CCDC170: variants seen among roughly 807,000 people sequenced by gnomAD.
CCDC170 encodes coiled-coil domain containing 170.
In CCDC170, 69 loss-of-function variants were observed where a neutral mutation model predicts 72.6. That is an observed-to-expected ratio of 0.95 (90% CI 0.78 to 1.16). The LOEUF is 1.16. CCDC170 is among the 50% of genes most tolerant of loss of function. CCDC170 has a pLI of 0.00. For synonymous variants in CCDC170, 300 were observed against 303.9 expected (o/e 0.99, Z 0.13); for missense variants, 852 against 832.5 (o/e 1.02, Z -0.29).
Position 151,526,463 on chromosome 6 carries a change from G to A in CCDC170, c.58-9855G>A, listed in dbSNP as rs373388290. On this transcript the variant is annotated intron_variant, in intron 1 of 10. Transcript: ENST00000239374. ...TCTCAATCTCTTGACCTAGTGATCC[G>A]CTTGCCTTGGCCTCCCATAGTACTG... Among the ~76,000 whole-genome samples, 14 of 150,008 alleles carry A rather than the reference G, an allele frequency of 9.3e-5. No homozygotes were observed. The East Asian group carries it at 1.2e-3, about 13-fold the overall frequency.
intron 1 of CCDC170, among the ~76,000 whole-genome samples, chr6:151,523,710 T>C (rs1197360188): frequency 1.3e-5 from 2 of 151,850 alleles, no homozygotes; most frequent in Non-Finnish European, 2.9e-5. Flanking sequence ...AATCATTGAA[T>C]TCTTGTTTTA....
chr6:151,530,307 A>C (rs1172668791), intron 1 of CCDC170, among the ~76,000 whole-genome samples: 1 of 151,848 alleles, frequency 6.6e-6, no homozygotes, highest in Non-Finnish European at 1.5e-5. Flanking sequence ...GTTAACTTTA[A>C]AAATTTTTTA....
intron 3 of CCDC170, among the ~76,000 whole-genome samples, chr6:151,542,789 T>A (rs933763992): frequency 6.6e-6 from 1 of 152,206 alleles, no homozygotes; most frequent in Non-Finnish European, 1.5e-5. Context: ...GAAGAAAGAT[T>A]GAAATCTTGG....
chr6:151,494,224 TG>T, intron 1 of CCDC170, 39 bp downstream of exon 1: 1 of 1,481,232 alleles, frequency 6.8e-7, no homozygotes, highest in East Asian at 2.8e-5. Context: ...GGGGTGGCCC[TG>T]GGGATAGACG....
At chr6:151,586,710 G>A (rs1350454432) in intron 7 of CCDC170, among the ~76,000 whole-genome samples, 1 of 151,880 alleles carries the variant, frequency 6.6e-6, no homozygotes, top group African/African-American at 2.4e-5. Flanking sequence ...AAGATGGAGT[G>A]TTCTTTACTC....
intron 1 of CCDC170, among the ~76,000 whole-genome samples, chr6:151,498,168 T>C (rs1156229302): frequency 6.6e-6 from 1 of 152,100 alleles, no homozygotes; most frequent in Non-Finnish European, 1.5e-5. Context: ...ACAGCTCCAG[T>C]AGATACCATT....
intron 10 of CCDC170, among the ~76,000 whole-genome samples, chr6:151,616,590 T>C (rs1776972043): frequency 6.6e-6 from 1 of 152,068 alleles, no homozygotes; most frequent in African/African-American, 2.4e-5. Context: ...TTTGGCCACA[T>C]TGGAAAGGGT....
At chr6:151,500,218 T>A (rs1354074698) in intron 1 of CCDC170, among the ~76,000 whole-genome samples, 1 of 151,016 alleles carries the variant, frequency 6.6e-6, no homozygotes. Flanking sequence ...TTGCTCTGTT[T>A]TTTTTTTTTT....
Position 151,585,872 on chromosome 6 carries a change from T to C in CCDC170, c.1093-17T>C, listed in dbSNP as rs948545402. ...TCTGAAACAAGGCTTATTCTTGATC[T>C]GTTTCTTTGTTTCCAGATGGTCTCC... On this transcript the variant is annotated splice_polypyrimidine_tract_variant and intron_variant, in intron 6 of 10. Coordinates refer to ENST00000239374, the MANE Select transcript of CCDC170 (RefSeq NM_025059.4). The C allele has an allele frequency of 6.2e-7, 1 of 1,610,358 alleles. No individual in the cohort carries two copies. The highest frequency in any genetic ancestry group is 8.5e-7 in the Non-Finnish European group (1 of 1,177,944).
At chr6:151,616,503 T>C (rs561189324) in intron 10 of CCDC170, among the ~76,000 whole-genome samples, 1 of 152,004 alleles carries the variant, frequency 6.6e-6, no homozygotes, top group South Asian at 2.1e-4. Flanking sequence ...TTTTGGTTCA[T>C]GTGTCAAGCA....
In CCDC170 at chr6:151,520,144, C is replaced by T. The variant is rs146679816; in HGVS notation, c.58-16174C>T. Reference sequence around the variant, plus strand: ...CACTTAATTCTACAAATAAGTATTGCATGTTTACATTGTGAGGTCCTGAGT... The same window carrying T: ...CACTTAATTCTACAAATAAGTATTGTATGTTTACATTGTGAGGTCCTGAGT... On this transcript the variant is annotated intron_variant, in intron 1 of 10. Transcript: ENST00000239374. 2.3e-3 allele frequency among the ~76,000 whole-genome samples: 343 copies of T among 152,302 alleles called. 1 individual carries two copies. The highest frequency in any genetic ancestry group is 7.3e-3 in the African/African-American group (305 of 41,574).
intron 9 of CCDC170, among the ~76,000 whole-genome samples, chr6:151,600,110 A>T (rs2115124944): frequency 6.6e-6 from 1 of 152,322 alleles, no homozygotes; most frequent in African/African-American, 2.4e-5. Context: ...TTGTTAACAC[A>T]GTAAGTGTCA....
chr6:151,515,604 T>C (rs1782223614), intron 1 of CCDC170, among the ~76,000 whole-genome samples: 1 of 152,196 alleles, frequency 6.6e-6, no homozygotes, highest in Admixed American at 6.5e-5. Context: ...TCTTGTTATA[T>C]AGATGATGCC....
At chr6:151,579,097 T>C (rs9478222) in intron 6 of CCDC170, among the ~76,000 whole-genome samples, 22,608 of 151,918 alleles carry the variant, frequency 0.15, 2,064 homozygotes, top group African/African-American at 0.27. Flanking sequence ...TCTTCACCCC[T>C]CACCCTCCAC....
intron 1 of CCDC170, among the ~76,000 whole-genome samples, chr6:151,531,817 G>T (rs1434331285): frequency 6.6e-6 from 1 of 152,140 alleles, no homozygotes; most frequent in Non-Finnish European, 1.5e-5. Flanking sequence ...AAGGAGAAGT[G>T]CAGAGCAAAA....
intron 7 of CCDC170, among the ~76,000 whole-genome samples, chr6:151,592,284 T>C (rs1583041582): frequency 1.3e-5 from 2 of 152,030 alleles, no homozygotes; most frequent in Non-Finnish European, 2.9e-5. Flanking sequence ...TGCCGGAACC[T>C]GGGAGGCGGA....
At chr6:151,591,998 A>T (rs1776544667) in intron 7 of CCDC170, among the ~76,000 whole-genome samples, 1 of 152,088 alleles carries the variant, frequency 6.6e-6, no homozygotes, top group South Asian at 2.1e-4. Context: ...GCCAGGGCCC[A>T]GTTAGGTGGG....
chr6:151,528,617 G>A (rs558105708), intron 1 of CCDC170, among the ~76,000 whole-genome samples: 4 of 152,186 alleles, frequency 2.6e-5, no homozygotes, highest in East Asian at 3.9e-4. Flanking sequence ...AGGCTGAGGC[G>A]AGTGGATCAG....
intron 1 of CCDC170, among the ~76,000 whole-genome samples, chr6:151,527,934 C>A (rs1344887048): frequency 6.6e-6 from 1 of 152,004 alleles, no homozygotes; most frequent in Non-Finnish European, 1.5e-5. Flanking sequence ...AACTAAATAC[C>A]ATAGTAGCAA....
Sources: gnomAD v4.1 joint callset for allele counts (sites outside exome capture counted in the v4.1 genomes callset) on GRCh38, gnomAD v4.1.1 for gene constraint, MANE v1.5 for transcripts, NCBI Gene and HGNC (gene_info 2026-07-23, HGNC 2026-07-21) for gene names.